The following GLDN variants were observed in gnomAD, a reference collection of about 807,000 sequenced individuals.
GLDN encodes the protein collomin.
A neutral mutation model predicts 56.5 loss-of-function variants in GLDN; 47 were observed. The observed-to-expected ratio is 0.83, with a 90% confidence interval of 0.66 to 1.06. The LOEUF (loss-of-function observed/expected upper bound fraction) is 1.06. Among genes scored for constraint, GLDN ranks in the 50% least tolerant of loss-of-function variants. The probability of loss-of-function intolerance (pLI) is 0.00; values close to 1 mark genes in which losing one functional copy is unlikely to be tolerated. For missense variants in GLDN, 782 were observed against 714.3 expected (o/e 1.09, Z -1.08); for synonymous variants, 332 against 278.8 (o/e 1.19, Z -1.90).
intron 1 of GLDN, among the ~76,000 whole-genome samples, chr15:51,344,193 T>G (rs939938960): frequency 6.6e-6 from 1 of 152,176 alleles, no homozygotes; most frequent in Non-Finnish European, 1.5e-5. Context: ...TACTGATGCC[T>G]GAATCCCATC....
intron 1 of GLDN, among the ~76,000 whole-genome samples, chr15:51,359,262 T>A (rs2037245536): frequency 6.6e-6 from 1 of 152,184 alleles, no homozygotes; most frequent in African/African-American, 2.4e-5. Context: ...TCTTAGATAA[T>A]CCTGATGGAT....
downstream of GLDN, among the ~76,000 whole-genome samples, chr15:51,412,845 T>A (rs549397453): frequency 3.3e-5 from 5 of 152,196 alleles, no homozygotes; most frequent in African/African-American, 1.2e-4. Flanking sequence ...TGCTTTTATG[T>A]CATAATAATA....
chr15:51,412,891 T>A (rs543060946), downstream of GLDN, among the ~76,000 whole-genome samples: 61 of 152,232 alleles, frequency 4.0e-4, no homozygotes, highest in Non-Finnish European at 6.8e-4. Context: ...TTACCGTCTA[T>A]GAGCTTAAAA....
chr15:51,395,528 T>C (rs991436984), intron 5 of GLDN, among the ~76,000 whole-genome samples: 13 of 152,100 alleles, frequency 8.5e-5, no homozygotes, highest in Non-Finnish European at 1.8e-4. Flanking sequence ...GGGGGCTTCA[T>C]AGAGAGGAGA....
intron 4 of GLDN, among the ~76,000 whole-genome samples, chr15:51,394,507 G>A (rs1041141527): frequency 1.3e-5 from 2 of 152,136 alleles, no homozygotes; most frequent in African/African-American, 2.4e-5. Flanking sequence ...CAGCTACTCC[G>A]GAGGCTGAGG....
downstream of GLDN, among the ~76,000 whole-genome samples, chr15:51,412,598 T>C (rs558099662): frequency 2.2e-4 from 33 of 152,364 alleles, no homozygotes; most frequent in African/African-American, 5.8e-4. Context: ...CATGTTAGCA[T>C]AGGATATCTT....
intron 1 of GLDN, among the ~76,000 whole-genome samples, chr15:51,370,663 A>G (rs2037497560): frequency 6.6e-6 from 1 of 152,148 alleles, no homozygotes; most frequent in South Asian, 2.1e-4. Flanking sequence ...TTATTATTCC[A>G]ACATACCTTT....
chr15:51,350,171 GT>G (rs1300807990), intron 1 of GLDN, among the ~76,000 whole-genome samples: 2 of 152,210 alleles, frequency 1.3e-5, no homozygotes, highest in Non-Finnish European at 2.9e-5. Flanking sequence ...GTTGTTCCAT[GT>G]ACAGTGAGGC....
In GLDN at chr15:51,341,984, C is replaced by G. The variant is rs747797109; in HGVS notation, c.300C>G (p.Pro100=). 6.3e-7 allele frequency: 1 copy of G among 1,597,768 alleles called. No individual in the cohort carries two copies. Among genetic ancestry groups the G allele is most frequent in the Non-Finnish European group, 8.5e-7 (1 of 1,179,514 alleles). ...ACAAGCGCAGCCACAGCGGCGAGCC[C>G]GCGCCGCATATCCGCGCCGAGAGCC... ...ARNKRSHSGE[P]APHIRAESHD... Residue 100 remains proline (P), a synonymous_variant, in exon 1 of 10, where the codon CCC becomes CCG. Coordinates refer to ENST00000335449, the MANE Select transcript of GLDN (RefSeq NM_181789.4).
chr15:51,412,977 A>G (rs917103236), downstream of GLDN, among the ~76,000 whole-genome samples: 17 of 151,424 alleles, frequency 1.1e-4, no homozygotes, highest in African/African-American at 3.9e-4. Flanking sequence ...TTTCTTCCCA[A>G]CTCCTTAGTT....
downstream of GLDN, among the ~76,000 whole-genome samples, chr15:51,411,040 C>T (rs1232319909): frequency 6.6e-6 from 1 of 152,138 alleles, no homozygotes; most frequent in Admixed American, 6.5e-5. Flanking sequence ...GAAAGGAAGG[C>T]ATTAGCTGAT....
intron 2 of GLDN, among the ~76,000 whole-genome samples, chr15:51,378,080 C>A (rs1297842646): frequency 6.6e-6 from 1 of 152,162 alleles, no homozygotes; most frequent in Non-Finnish European, 1.5e-5. Context: ...TAGCCTTTTT[C>A]CCCAATATTT....
intron 2 of GLDN, among the ~76,000 whole-genome samples, 161 bp downstream of exon 2, chr15:51,377,661 A>C (rs1191947926): frequency 6.6e-6 from 1 of 152,240 alleles, no homozygotes; most frequent in East Asian, 1.9e-4. Context: ...TAATATGATT[A>C]TGAAAAATAA....
rs1030704421 is a variant in GLDN, at chr15:51,406,846, C to T, written c.*2092C>T. On this transcript the variant is annotated 3_prime_UTR_variant, in exon 10 of 10. Transcript: ENST00000335449. Reference sequence around the variant, plus strand: ...AATACTCTTTTCAGATTCACGTTCTCTAACAAAGAGTCTCATGTTCAAGAT... The same window carrying T: ...AATACTCTTTTCAGATTCACGTTCTTTAACAAAGAGTCTCATGTTCAAGAT... 2 of 152,290 alleles carry T rather than the reference C, an allele frequency of 1.3e-5. No individual in the cohort carries two copies. Among genetic ancestry groups the T allele is most frequent in the Middle Eastern group, 3.4e-3 (1 of 294 alleles). 9.4% of individuals were successfully genotyped at this position (152,290 alleles called of 1,614,324 possible).
chr15:51,410,423 G>A (rs955591074), downstream of GLDN, among the ~76,000 whole-genome samples: 8 of 152,122 alleles, frequency 5.3e-5, no homozygotes, highest in African/African-American at 1.2e-4. Flanking sequence ...ATGACTGATC[G>A]GTGTGAGAGT....
intron 2 of GLDN, among the ~76,000 whole-genome samples, chr15:51,379,720 G>A (rs1476758084): frequency 6.6e-6 from 1 of 152,174 alleles, no homozygotes; most frequent in African/African-American, 2.4e-5. Context: ...CTCTTATCAA[G>A]CATCCACCCA....
At chr15:51,408,392 T>C (rs1439207153), downstream of GLDN, among the ~76,000 whole-genome samples, 1 of 152,222 alleles carries the variant, frequency 6.6e-6, no homozygotes, top group South Asian at 2.1e-4. Flanking sequence ...CTTTCATCTA[T>C]AAAACATGTC....
chr15:51,371,619 C>T (rs939281378), intron 1 of GLDN, among the ~76,000 whole-genome samples: 3 of 152,196 alleles, frequency 2.0e-5, no homozygotes, highest in Admixed American at 6.5e-5. Flanking sequence ...TTTCCCCTAA[C>T]GCTATTGTAT....
At chr15:51,353,713 T>TAAAAAAAAAAA (rs1566935693) in intron 1 of GLDN, among the ~76,000 whole-genome samples, 1 of 80,514 alleles carries the variant, frequency 1.2e-5, no homozygotes, top group East Asian at 6.4e-4. Context: ...TCGGATTTGA[T>TAAAAAAAAAAA]TAAAAAAAAA....
Sources: gnomAD v4.1 joint callset for allele counts (sites outside exome capture counted in the v4.1 genomes callset) on GRCh38, gnomAD v4.1.1 for gene constraint, MANE v1.5 for transcripts, NCBI Gene and HGNC (gene_info 2026-07-23, HGNC 2026-07-21) for gene names.